ZNF503: variants seen among roughly 807,000 people sequenced by gnomAD.
ZNF503 encodes NocA-like zinc finger 2.
Under a neutral mutation model 34.4 loss-of-function variants are expected in ZNF503, and 15 were observed. The ratio of observed to expected loss-of-function variants is 0.44; its 90% CI spans 0.29 to 0.67. The LOEUF (loss-of-function observed/expected upper bound fraction) is 0.67. Ranked by LOEUF, ZNF503 falls within the 30% of genes least tolerant of loss-of-function variation. The pLI is 0.13. For synonymous variants in ZNF503, 580 were observed against 456.8 expected, an observed-to-expected ratio of 1.27 and a Z score of -3.44; for missense variants, 1,007 against 926.8, an observed-to-expected ratio of 1.09 and a Z score of -1.12.
the ZNF503 span, among the ~76,000 whole-genome samples, chr10:75,391,229 G>A: frequency 6.6e-6 from 1 of 152,142 alleles, no homozygotes; most frequent in Non-Finnish European, 1.5e-5. Context: ...GCTATATGTG[G>A]CCAAGTGACT....
At chr10:75,321,772 T>C in the ZNF503 span, among the ~76,000 whole-genome samples, 42 of 152,236 alleles carry the variant, frequency 2.8e-4, no homozygotes, top group African/African-American at 1.0e-3. Context: ...CCTAAGCTCA[T>C]ATGCATGAGC....
chr10:75,366,657 C>G, the ZNF503 span, among the ~76,000 whole-genome samples: 1 of 152,218 alleles, frequency 6.6e-6, no homozygotes, highest in Non-Finnish European at 1.5e-5. Context: ...GCCCCAAGGC[C>G]TTTGCCCTTA....
chr10:75,361,729 T>C, the ZNF503 span: 1 of 152,226 alleles, frequency 6.6e-6, no homozygotes, highest in Non-Finnish European at 1.5e-5. Context: ...ATCAGGACCT[T>C]GAAGGTAGGG....
At chr10:75,378,990 C>T in the ZNF503 span, among the ~76,000 whole-genome samples, 1 of 152,112 alleles carries the variant, frequency 6.6e-6, no homozygotes, top group African/African-American at 2.4e-5. Flanking sequence ...TCTCCACACC[C>T]CCCAAACCCC....
chr10:75,368,618 G>T, the ZNF503 span, among the ~76,000 whole-genome samples: 1 of 152,168 alleles, frequency 6.6e-6, no homozygotes, highest in East Asian at 1.9e-4. Context: ...AGGTTCTTTT[G>T]CATGACCTCA....
chr10:75,345,755 G>C, the ZNF503 span, among the ~76,000 whole-genome samples: 2 of 152,114 alleles, frequency 1.3e-5, no homozygotes, highest in Non-Finnish European at 2.9e-5. Context: ...ATCAGGCTTA[G>C]ATGCTTGTTA....
chr10:75,401,540 G>C lies in ZNF503; in HGVS notation c.-121C>G. ...GGGAGGAGGAGGAGCTGGCGCGGCG[G>C]CCACGGGCGCCCAGCGCGCCTTCTC... On this transcript the variant is annotated 5_prime_UTR_variant, in exon 1 of 2. Coordinates refer to ENST00000372524, the MANE Select transcript of ZNF503 (RefSeq NM_032772.6). 1 of 1,251,242 alleles carries C rather than the reference G, an allele frequency of 8.0e-7. No homozygotes were observed. The highest frequency in any genetic ancestry group is 1.1e-6 in the Non-Finnish European group (1 of 918,336). 77.5% of individuals were successfully genotyped at this position (1,251,242 alleles called of 1,614,324 possible). A position where few individuals can be genotyped will look rare whatever the true frequency, so the allele number is the denominator to read the frequency against.
rs535809801 is a variant in ZNF503 at position 75,400,126 on chromosome 10, C to T, written c.564G>A (p.Pro188=). 4 of 1,550,048 alleles carry T rather than the reference C, an allele frequency of 2.6e-6. No homozygotes were observed. The African/African-American group carries it at 5.5e-5, about 21-fold the overall frequency. ...YSKPGSDKKE[P]GGGGGGGGGG... ...CGCCACCGCCTCCACCGCCGCCTCC[C>T]GGCTCCTTCTTATCCGAGCCGGGTT... Residue 188 remains proline, a synonymous_variant, in exon 2 of 2, where the codon CCG becomes CCA. Coordinates refer to ENST00000372524, the MANE Select transcript of ZNF503 (RefSeq NM_032772.6).
chr10:75,389,590 T>C, the ZNF503 span, among the ~76,000 whole-genome samples: 1 of 152,036 alleles, frequency 6.6e-6, no homozygotes, highest in Non-Finnish European at 1.5e-5. Context: ...AATAGCCGGA[T>C]GTGGTGGCGC....
chr10:75,381,805 CTTTTTTTTTT>C, the ZNF503 span, among the ~76,000 whole-genome samples: 127 of 38,646 alleles, frequency 3.3e-3, 1 homozygote, highest in Non-Finnish European at 4.2e-3. Context: ...GAACCTAATT[CTTTTTTTTTT>C]TTTTTTTTTT....
At chr10:75,396,529 C>G (rs1347688048), downstream of ZNF503, among the ~76,000 whole-genome samples, 2 of 152,032 alleles carry the variant, frequency 1.3e-5, no homozygotes, top group East Asian at 3.9e-4. The surrounding 1 kb of genome is among the most constrained non-coding windows in gnomAD (Gnocchi z 4.4). Flanking sequence ...TCACCAATCC[C>G]GGTGCAAATG....
At chr10:75,386,009 C>T in the ZNF503 span, among the ~76,000 whole-genome samples, 4 of 152,198 alleles carry the variant, frequency 2.6e-5, no homozygotes, top group Non-Finnish European at 5.9e-5. Flanking sequence ...ATCTCCCTGC[C>T]AAAGCCTGCT....
Position 75,401,445 on chromosome 10 carries a change from CG to C in ZNF503, c.-27del, listed in dbSNP as rs750546401. The C allele has an allele frequency of 2.9e-5, 44 of 1,523,474 alleles. No individual in the cohort carries two copies. The highest frequency in any genetic ancestry group is 1.6e-4 in the African/African-American group (11 of 70,786). 94.4% of individuals were successfully genotyped at this position (1,523,474 alleles called of 1,614,324 possible). On this transcript the variant is annotated 5_prime_UTR_variant, in exon 1 of 2. Coordinates refer to ENST00000372524, the MANE Select transcript of ZNF503 (RefSeq NM_032772.6). ...GACCCACCCGCGCGCATGGGAGCAGCGGGGGGGAGGGCTCCGGGAGGCGCGG... is the reference window on the plus strand; with the variant it reads ...GACCCACCCGCGCGCATGGGAGCAGCGGGGGGAGGGCTCCGGGAGGCGCGG...
Position 75,401,197 on chromosome 10 carries a change from T to C in ZNF503, c.223A>G (p.Lys75Glu). The C allele has an allele frequency of 6.2e-7, 1 of 1,609,136 alleles. No individual in the cohort carries two copies. The highest frequency in any genetic ancestry group is 8.5e-7 in the Non-Finnish European group (1 of 1,177,270). The change falls in exon 1 of 2, where the codon AAG becomes GAG. Residue 75 changes from lysine (K) to glutamate (E), a missense_variant. Coordinates refer to ENST00000372524, the MANE Select transcript of ZNF503 (RefSeq NM_032772.6). ...CGTGCCGTCAGCATCTTCAGCACCT[T>C]GATTGGCAGGCGGTTGGCCTGGCGC... Reference protein sequence around the residue: ...PLRQANRLPIKVLKMLTARTG... With the variant: ...PLRQANRLPIEVLKMLTARTG...
chr10:75,370,225 C>G, the ZNF503 span, among the ~76,000 whole-genome samples: 1 of 152,136 alleles, frequency 6.6e-6, no homozygotes, highest in African/African-American at 2.4e-5. Flanking sequence ...TAAGCTAATA[C>G]TGTTAAGTTG....
the ZNF503 span, among the ~76,000 whole-genome samples, chr10:75,367,681 A>G: frequency 3.3e-5 from 5 of 152,208 alleles, no homozygotes; most frequent in African/African-American, 7.2e-5. Context: ...CATATAATAT[A>G]TAATGTTGTA....
the ZNF503 span, among the ~76,000 whole-genome samples, chr10:75,344,079 C>G: frequency 4.6e-5 from 7 of 152,216 alleles, no homozygotes; most frequent in African/African-American, 1.2e-4. Context: ...TTAGCTGCCT[C>G]CTCAGCTTGG....
the ZNF503 span, among the ~76,000 whole-genome samples, chr10:75,302,617 C>G: frequency 6.6e-6 from 1 of 152,114 alleles, no homozygotes; most frequent in Non-Finnish European, 1.5e-5. Context: ...TCTGGCTAAC[C>G]CAGGATATGT....
the ZNF503 span, among the ~76,000 whole-genome samples, chr10:75,316,008 A>T: frequency 1.9e-4 from 29 of 152,236 alleles, no homozygotes; most frequent in Non-Finnish European, 2.9e-5. Context: ...GGGTCAATTT[A>T]TGATGAAGAT....
Sources: gnomAD v4.1 joint callset for allele counts (sites outside exome capture counted in the v4.1 genomes callset) on GRCh38, gnomAD v4.1.1 for gene constraint, Gnocchi (gnomAD v3.1) non-coding constraint, MANE v1.5 for transcripts, NCBI Gene and HGNC (gene_info 2026-07-23, HGNC 2026-07-21) for gene names.